Variants in FOLH1 observed in about 807,000 individuals in gnomAD.
FOLH1 encodes glutamate carboxypeptidase 2.
Under a neutral mutation model 93.9 loss-of-function variants are expected in FOLH1, and 54 were observed. The observed-to-expected ratio is 0.57, with a 90% CI of 0.46 to 0.72. The LOEUF is 0.72. Ranked by LOEUF, FOLH1 falls within the 30% of genes least tolerant of loss-of-function variation. The pLI, the probability that FOLH1 is intolerant of heterozygous loss-of-function variation, is 0.00. For missense variants in FOLH1, 571 were observed against 892.5 expected, an observed-to-expected ratio of 0.64 and a Z score of 4.59; for synonymous variants, 249 against 303.6, an observed-to-expected ratio of 0.82 and a Z score of 1.87.
At chr11:49,166,475 CG>C (rs1354080867) in intron 12 of FOLH1, among the ~76,000 whole-genome samples, 4 of 152,138 alleles carry the variant, frequency 2.6e-5, no homozygotes, top group African/African-American at 9.7e-5. Context: ...AATTTTTTTA[CG>C]TGTAAAGCAC....
chr11:49,188,318 C>T (rs1481108408), intron 4 of FOLH1, among the ~76,000 whole-genome samples: 2 of 151,882 alleles, frequency 1.3e-5, no homozygotes, highest in East Asian at 3.9e-4. Context: ...AGTTCAAGAC[C>T]AGCCTGGCCA....
At chr11:49,167,858 GA>G (rs1199049004) in intron 12 of FOLH1, among the ~76,000 whole-genome samples, 24 of 140,568 alleles carry the variant, frequency 1.7e-4, no homozygotes, top group African/African-American at 2.6e-4. Flanking sequence ...AACAGAAACA[GA>G]AAAAAAAAAC....
In FOLH1 at chr11:49,200,367, C is replaced by T. The variant is rs768200390; in HGVS notation, c.299G>A (p.Trp100Ter). ...AACAGAATCCAGGCCAAATTCTTTC[C>T]ACTGGGATTGAATTTGCTTTGCAAG... ...FQLAKQIQSQ[W>*]KEFGLDSVEL... The change falls in exon 3 of 19, where the codon TGG becomes TAG. Residue 100 changes from tryptophan to a stop codon, truncating the protein, a stop_gained. Transcript: ENST00000256999. LOFTEE classifies it high-confidence loss of function. 1 of 1,613,502 alleles carries T rather than the reference C, an allele frequency of 6.2e-7. No homozygotes were observed. Among genetic ancestry groups the T allele is most frequent in the South Asian group, 1.1e-5 (1 of 91,052 alleles).
intron 10 of FOLH1, 136 bp from the exon 11 acceptor site, chr11:49,171,413 T>C: frequency 8.2e-7 from 1 of 1,222,970 alleles, no homozygotes; most frequent in South Asian, 1.7e-5. Flanking sequence ...AAAAAATCTT[T>C]ACTTACGTAA....
At position 49,145,191 on chromosome 11, in the gene FOLH1, G is replaced by C. The variant is rs1338118584; in HGVS notation, c.*1565C>G. Among the ~76,000 whole-genome samples, 1 of 152,016 alleles carries C rather than the reference G, an allele frequency of 6.6e-6. No individual in the cohort carries two copies. The highest frequency in any genetic ancestry group is 1.5e-5 in the Non-Finnish European group (1 of 68,006). On this transcript the variant is annotated 3_prime_UTR_variant, in exon 19 of 19. Transcript: ENST00000256999. ...TTGATTGTCTTCATAAATAGATCTG[G>C]GCCCATTAAATAGTTCTTCTTTGTC...
intron 5 of FOLH1, 152 bp from the exon 6 acceptor site, chr11:49,186,007 T>C: frequency 9.2e-7 from 1 of 1,081,710 alleles, no homozygotes; most frequent in Non-Finnish European, 1.2e-6. Flanking sequence ...TCGGATAGAA[T>C]TTCCCTTTTC....
chr11:49,147,423 T>G (rs1855892876), intron 18 of FOLH1, among the ~76,000 whole-genome samples: 1 of 142,708 alleles, frequency 7.0e-6, no homozygotes, highest in African/African-American at 2.6e-5. Flanking sequence ...GTCTTGCTTG[T>G]GATCAGCCAA....
chr11:49,197,587 C>T (rs1317370017), intron 3 of FOLH1, among the ~76,000 whole-genome samples: 1 of 152,182 alleles, frequency 6.6e-6, no homozygotes, highest in East Asian at 1.9e-4. Context: ...CCACAAAATA[C>T]TAATCATATT....
intron 12 of FOLH1, 69 bp downstream of exon 12, chr11:49,169,126 A>G: frequency 6.4e-7 from 1 of 1,555,048 alleles, no homozygotes; most frequent in Non-Finnish European, 8.9e-7. Flanking sequence ...TTGTTAGTGC[A>G]TAATTTATTA....
chr11:49,158,509 C>T (rs1003741625), intron 13 of FOLH1, among the ~76,000 whole-genome samples: 1 of 152,140 alleles, frequency 6.6e-6, no homozygotes, highest in Non-Finnish European at 1.5e-5. Context: ...ACCGCAATGT[C>T]TGTTCTTGTA....
intron 12 of FOLH1, 42 bp downstream of exon 12, chr11:49,169,153 T>C (rs1858868087): frequency 6.3e-7 from 1 of 1,596,660 alleles, no homozygotes; most frequent in African/African-American, 1.3e-5. Flanking sequence ...CTGCTGCTCC[T>C]AGTTTAATCA....
chr11:49,186,832 G>A (rs1861439971), intron 4 of FOLH1, 63 bp from the exon 5 acceptor site: 1 of 1,511,820 alleles, frequency 6.6e-7, no homozygotes, highest in Non-Finnish European at 8.8e-7. Context: ...TTTCTGCATG[G>A]GGACTGTTGG....
chr11:49,185,580 T>C (rs545898970), intron 6 of FOLH1, 89 bp downstream of exon 6: 2 of 1,462,444 alleles, frequency 1.4e-6, no homozygotes, highest in Admixed American at 4.3e-5. Context: ...AAAAAAGACA[T>C]GCTTAGTCCA....
At chr11:49,178,238 C>T (rs1251899203) in intron 7 of FOLH1, among the ~76,000 whole-genome samples, 1 of 152,188 alleles carries the variant, frequency 6.6e-6, no homozygotes, top group Non-Finnish European at 1.5e-5. Context: ...CTATAAAACC[C>T]TCTGCATTTT....
At chr11:49,170,239 T>C (rs554017755) in intron 11 of FOLH1, among the ~76,000 whole-genome samples, 1 of 152,216 alleles carries the variant, frequency 6.6e-6, no homozygotes, top group African/African-American at 2.4e-5. Flanking sequence ...TTAGTAAATA[T>C]TCTGTGGTGG....
At chr11:49,160,404 A>G (rs1590457463) in intron 13 of FOLH1, among the ~76,000 whole-genome samples, 1 of 151,646 alleles carries the variant, frequency 6.6e-6, no homozygotes, top group Admixed American at 6.6e-5. Flanking sequence ...TAGTATATTT[A>G]GTTTTGACAC....
chr11:49,198,010 G>T (rs772874281), intron 3 of FOLH1, among the ~76,000 whole-genome samples: 8 of 151,766 alleles, frequency 5.3e-5, no homozygotes, highest in Non-Finnish European at 5.9e-5. Context: ...TAAGAAACTA[G>T]GTATCTAACA....
chr11:49,177,373 CA>C (rs1205800502), intron 7 of FOLH1, among the ~76,000 whole-genome samples: 4 of 151,736 alleles, frequency 2.6e-5, no homozygotes, highest in African/African-American at 9.7e-5. Flanking sequence ...AATACATAGC[CA>C]AAACAGCAGA....
chr11:49,201,451 A>G (rs1361648495), intron 2 of FOLH1, among the ~76,000 whole-genome samples: 9 of 151,354 alleles, frequency 5.9e-5, no homozygotes. Flanking sequence ...TATTTGATGA[A>G]TCAACAATGA....
Sources: allele counts gnomAD v4.1 joint callset (sites outside exome capture counted in the v4.1 genomes callset), GRCh38; gene constraint gnomAD v4.1.1; transcripts MANE v1.5; gene names NCBI Gene and HGNC (gene_info 2026-07-23, HGNC 2026-07-21).